The following LDB2 variants were observed in gnomAD, a reference collection of about 807,000 sequenced individuals.
LDB2 encodes the protein LIM domain-binding protein 2.
A neutral mutation model predicts 44.3 loss-of-function variants in LDB2; 12 were observed. That is an observed-to-expected ratio of 0.27 (90% CI 0.17 to 0.44). The LOEUF (loss-of-function observed/expected upper bound fraction) is 0.44, where lower values mean the gene tolerates loss of function less well. Among genes scored for constraint, LDB2 ranks in the 20% least tolerant of loss-of-function variants. LDB2 has a pLI of 1.00. For missense variants in LDB2, 344 were observed against 473.5 expected (o/e 0.73, Z 2.54); for synonymous variants, 164 against 174.8 (o/e 0.94, Z 0.49).
intron 2 of LDB2, among the ~76,000 whole-genome samples, chr4:16,700,677 C>A (rs1206651963): frequency 6.6e-6 from 1 of 152,172 alleles, no homozygotes; most frequent in Non-Finnish European, 1.5e-5. Flanking sequence ...ATTCTCTGAC[C>A]AGTGTCCCCT....
At chr4:16,585,596 C>CAAT (rs1260731645) in intron 5 of LDB2, among the ~76,000 whole-genome samples, 1 of 152,074 alleles carries the variant, frequency 6.6e-6, no homozygotes, top group Non-Finnish European at 1.5e-5. Flanking sequence ...ATGAACTCAC[C>CAAT]AATAACCCAT....
chr4:16,703,234 G>T (rs1753881427), intron 2 of LDB2, among the ~76,000 whole-genome samples: 2 of 152,194 alleles, frequency 1.3e-5, no homozygotes, highest in African/African-American at 4.8e-5. Context: ...ATGAAATTGG[G>T]AAACCAGGTA....
intron 5 of LDB2, among the ~76,000 whole-genome samples, chr4:16,556,186 A>G (rs982276250): frequency 2.0e-5 from 3 of 152,226 alleles, no homozygotes; most frequent in Non-Finnish European, 4.4e-5. Flanking sequence ...AATTATAAAC[A>G]TATTTTTGTG....
rs13110156 is a variant in LDB2, at chr4:16,654,955, C to T, written c.236-59080G>A. 9.2e-5 allele frequency among the ~76,000 whole-genome samples: 14 copies of T among 152,010 alleles called. No individual in the cohort carries two copies. The East Asian group carries it at 1.2e-3, about 13-fold the overall frequency. On this transcript the variant is annotated intron_variant, in intron 2 of 7. Coordinates refer to ENST00000304523, the MANE Select transcript of LDB2 (RefSeq NM_001290.5). ...CATGAAAGCTCTTCCCTAATGTCCA[C>T]GAAACCATTGAGAATACAAAAGCAG...
intron 1 of LDB2, among the ~76,000 whole-genome samples, chr4:16,893,969 G>A (rs180946042): frequency 3.4e-4 from 52 of 152,018 alleles, no homozygotes; most frequent in African/African-American, 1.1e-3. Flanking sequence ...TATAATAATC[G>A]AACATTAGTT....
chr4:16,573,378 A>G (rs1747265746), intron 5 of LDB2, among the ~76,000 whole-genome samples: 1 of 152,190 alleles, frequency 6.6e-6, no homozygotes, highest in South Asian at 2.1e-4. Context: ...GCCACTTGCC[A>G]TATGAGCTCG....
intron 5 of LDB2, among the ~76,000 whole-genome samples, chr4:16,541,249 C>T (rs1185257501): frequency 6.6e-6 from 1 of 152,088 alleles, no homozygotes; most frequent in Non-Finnish European, 1.5e-5. Context: ...GTGCCATCCA[C>T]TTGGTGCTGT....
At chr4:16,525,240 T>A (rs1230280861) in intron 5 of LDB2, among the ~76,000 whole-genome samples, 1 of 152,156 alleles carries the variant, frequency 6.6e-6, no homozygotes, top group Non-Finnish European at 1.5e-5. Flanking sequence ...CTGATCAGTG[T>A]GGGGATGTGG....
chr4:16,769,959 T>C (rs1210643946), intron 1 of LDB2, among the ~76,000 whole-genome samples: 2 of 152,208 alleles, frequency 1.3e-5, no homozygotes. Context: ...GTTACATCAG[T>C]GGTTTTCCCC....
At chr4:16,555,099 T>G (rs1160611054) in intron 5 of LDB2, among the ~76,000 whole-genome samples, 18 of 116,086 alleles carry the variant, frequency 1.6e-4, no homozygotes, top group African/African-American at 4.6e-4. Context: ...GGAGTGGTTT[T>G]TTTTTTTTTT....
At chr4:16,527,090 A>G (rs1280739316) in intron 5 of LDB2, among the ~76,000 whole-genome samples, 2 of 152,242 alleles carry the variant, frequency 1.3e-5, no homozygotes, top group African/African-American at 4.8e-5. Context: ...TCTCGAATGT[A>G]ACTGGGCATC....
chr4:16,675,119 T>C (rs1745928889), intron 2 of LDB2, among the ~76,000 whole-genome samples: 2 of 152,180 alleles, frequency 1.3e-5, no homozygotes, highest in South Asian at 4.1e-4. Flanking sequence ...TAGGTTTAAA[T>C]GTGGCTGCAA....
chr4:16,556,326 G>A (rs1739560921), intron 5 of LDB2, among the ~76,000 whole-genome samples: 1 of 152,186 alleles, frequency 6.6e-6, no homozygotes, highest in Admixed American at 6.5e-5. Context: ...ATATGAGAAT[G>A]AATAAATGCC....
intron 2 of LDB2, among the ~76,000 whole-genome samples, chr4:16,619,392 ACTGCATTG>A (rs1028155515): frequency 3.9e-5 from 6 of 152,146 alleles, no homozygotes; most frequent in African/African-American, 1.4e-4. Flanking sequence ...AACCACCAGG[ACTGCATTG>A]ATGCCATGTG....
chr4:16,636,931 T>C (rs1733763261), intron 2 of LDB2, among the ~76,000 whole-genome samples: 1 of 152,206 alleles, frequency 6.6e-6, no homozygotes, highest in East Asian at 1.9e-4. Context: ...TATTAAAGTT[T>C]ACTCTGCAAT....
At chr4:16,807,838 T>C (rs1779070058) in intron 1 of LDB2, among the ~76,000 whole-genome samples, 1 of 152,214 alleles carries the variant, frequency 6.6e-6, no homozygotes, top group Admixed American at 6.5e-5. Context: ...CCTTGGCACA[T>C]GAGAAATTGT....
intron 2 of LDB2, among the ~76,000 whole-genome samples, chr4:16,719,233 C>T (rs1757711798): frequency 6.6e-6 from 1 of 152,048 alleles, no homozygotes; most frequent in African/African-American, 2.4e-5. Flanking sequence ...TTAGCTTCAA[C>T]TGGTAGATTA....
At chr4:16,588,541 G>C (rs1376984137) in intron 4 of LDB2, among the ~76,000 whole-genome samples, 169 bp downstream of exon 4, 1 of 152,136 alleles carries the variant, frequency 6.6e-6, no homozygotes, top group Admixed American at 6.5e-5. Flanking sequence ...GGAGAAAAGG[G>C]CCTGTGGATT....
At chr4:16,617,674 G>C (rs1382480235) in intron 2 of LDB2, among the ~76,000 whole-genome samples, 1 of 152,176 alleles carries the variant, frequency 6.6e-6, no homozygotes, top group African/African-American at 2.4e-5. Flanking sequence ...TTTTGTAACT[G>C]TTTAGATCCT....
Sources: allele counts gnomAD v4.1 joint callset (sites outside exome capture counted in the v4.1 genomes callset), GRCh38; gene constraint gnomAD v4.1.1; transcripts MANE v1.5; gene names NCBI Gene and HGNC (gene_info 2026-07-23, HGNC 2026-07-21).